PCDH11Y: variants seen among roughly 807,000 people sequenced by gnomAD.
The protein encoded by PCDH11Y is protocadherin-11 Y-linked.
For missense variants in PCDH11Y, 12 were observed against 224.8 expected (o/e 0.05, Z 6.05); for synonymous variants, 9 against 83.6 (o/e 0.11, Z 4.87).
chrY:5,680,543 G>T, intron 4 of PCDH11Y, among the ~76,000 whole-genome samples: 3 of 33,728 alleles, frequency 8.9e-5, no homozygotes, highest in Non-Finnish European at 2.2e-4. Flanking sequence ...TGACTTTTTA[G>T]ATAGAGAATT....
At chrY:5,633,679 C>G (rs2053514163) in intron 4 of PCDH11Y, among the ~76,000 whole-genome samples, 2 of 32,435 alleles carry the variant, frequency 6.2e-5, no homozygotes, top group South Asian at 7.0e-4. Flanking sequence ...GGTGGATCAC[C>G]TGAGGCCAGG....
chrY:5,278,253 C>T, intron 2 of PCDH11Y, among the ~76,000 whole-genome samples: 2 of 28,936 alleles, frequency 6.9e-5, no homozygotes, highest in South Asian at 1.7e-3. Context: ...CAGGTTCAAG[C>T]GATTCTCCTG....
At chrY:5,384,295 A>G in intron 2 of PCDH11Y, among the ~76,000 whole-genome samples, 1 of 31,503 alleles carries the variant, frequency 3.2e-5, no homozygotes, top group Non-Finnish European at 7.7e-5. Flanking sequence ...CCACTGCAAA[A>G]ATTCAACATG....
intron 3 of PCDH11Y, among the ~76,000 whole-genome samples, chrY:5,523,041 G>A (rs2053383042): frequency 3.0e-5 from 1 of 33,496 alleles, no homozygotes; most frequent in Non-Finnish European, 7.4e-5. Flanking sequence ...TGAAGATTTG[G>A]TTCTTAACTG....
chrY:5,525,610 A>C, intron 3 of PCDH11Y, among the ~76,000 whole-genome samples: 1 of 31,692 alleles, frequency 3.2e-5, no homozygotes. Context: ...GAACCTACTG[A>C]GGTGCTACAC....
intron 2 of PCDH11Y, among the ~76,000 whole-genome samples, chrY:5,343,402 C>T (rs2053148361): frequency 3.4e-5 from 1 of 29,632 alleles, no homozygotes; most frequent in Non-Finnish European, 8.0e-5. Flanking sequence ...TACAGGCACC[C>T]GCCACCACAC....
chrY:5,267,260 T>G, intron 2 of PCDH11Y, among the ~76,000 whole-genome samples: 1 of 21,706 alleles, frequency 4.6e-5, no homozygotes, highest in African/African-American at 1.9e-4. Context: ...GGCTGGAGTG[T>G]AGTGGGGTGA....
intron 3 of PCDH11Y, among the ~76,000 whole-genome samples, chrY:5,047,118 C>T (rs1602849634): frequency 2.1e-4 from 7 of 33,982 alleles, no homozygotes; most frequent in Admixed American, 1.6e-3. Flanking sequence ...TGTTCCTATT[C>T]GGCCATCTTG....
intron 1 of PCDH11Y, among the ~76,000 whole-genome samples, chrY:5,086,418 G>T (rs2124632956): frequency 3.1e-5 from 1 of 32,226 alleles, no homozygotes; most frequent in East Asian, 8.3e-4. Context: ...TTTGTCCTGG[G>T]TGACTTATTT....
At chrY:5,581,721 T>C in intron 3 of PCDH11Y, 54 bp from the exon 5 acceptor site, 2 of 233,377 alleles carry the variant, frequency 8.6e-6, no homozygotes, top group Non-Finnish European at 1.3e-5. Flanking sequence ...TATAATGTTG[T>C]AGAAATAAGA....
At chrY:5,541,502 C>T in intron 3 of PCDH11Y, among the ~76,000 whole-genome samples, 9 of 32,285 alleles carry the variant, frequency 2.8e-4, no homozygotes. Context: ...GGCAAAAGTA[C>T]CTCTTGTCAT....
intron 3 of PCDH11Y, among the ~76,000 whole-genome samples, chrY:5,555,378 A>T: frequency 3.2e-5 from 1 of 31,509 alleles, no homozygotes; most frequent in Admixed American, 2.9e-4. Context: ...TTTTGAGTTA[A>T]AACTTTGAGG....
At chrY:5,626,676 G>C (rs2053507535) in intron 4 of PCDH11Y, among the ~76,000 whole-genome samples, 1 of 33,231 alleles carries the variant, frequency 3.0e-5, no homozygotes, top group South Asian at 6.8e-4. Context: ...TGTTGGGCTA[G>C]ATTGGTGAGA....
intron 4 of PCDH11Y, among the ~76,000 whole-genome samples, chrY:5,645,516 T>A: frequency 9.4e-5 from 3 of 32,050 alleles, no homozygotes; most frequent in Non-Finnish European, 1.5e-4. Context: ...GAGATTTTTT[T>A]AATAAGCTCT....
chrY:5,534,360 C>T, intron 3 of PCDH11Y, among the ~76,000 whole-genome samples: 2 of 33,631 alleles, frequency 5.9e-5, no homozygotes, highest in Non-Finnish European at 7.4e-5. Context: ...TATTTTGTCA[C>T]CCAAGTAAAA....
chrY:5,460,093 G>A lies in PCDH11Y; in HGVS notation c.3130-40964G>A, dbSNP rs1229098071. Among the ~76,000 whole-genome samples the A allele has an allele frequency of 4.5e-4, 15 of 33,011 alleles. No homozygotes were observed. The East Asian group carries it at 0.012, about 26-fold the overall frequency. The allele number at this position is 33,011 out of a possible 37,273, so 88.6% of individuals were successfully genotyped here. On this transcript the variant is annotated intron_variant, in intron 2 of 4. Coordinates refer to the PCDH11Y transcript ENST00000400457. ...AGAATCCTAATATATGAAACCTAAG[G>A]AGAAAATACATAGAAATCCAATTTT...
intron 3 of PCDH11Y, among the ~76,000 whole-genome samples, chrY:5,538,568 C>T (rs1602940024): frequency 1.6e-4 from 5 of 31,716 alleles, no homozygotes; most frequent in Admixed American, 2.9e-4. Flanking sequence ...AAATTAGAGA[C>T]GGTGAAGACT....
At chrY:5,259,773 T>C (rs2053015611) in intron 2 of PCDH11Y, among the ~76,000 whole-genome samples, 2 of 33,401 alleles carry the variant, frequency 6.0e-5, no homozygotes, top group South Asian at 6.6e-4. Flanking sequence ...GTGTGCTTAC[T>C]GTCACCAGTG....
At chrY:5,155,498 G>C in intron 2 of PCDH11Y, among the ~76,000 whole-genome samples, 1 of 32,087 alleles carries the variant, frequency 3.1e-5, no homozygotes, top group Admixed American at 2.9e-4. Flanking sequence ...AGGCCTCAGT[G>C]TGTGTTGTTC....
Sources: gnomAD v4.1 joint callset for allele counts (sites outside exome capture counted in the v4.1 genomes callset) on GRCh38, gnomAD v4.1.1 for gene constraint, MANE v1.5 for transcripts, NCBI Gene and HGNC (gene_info 2026-07-23, HGNC 2026-07-21) for gene names.